KCNB2: variants seen among roughly 807,000 people sequenced by gnomAD.
The protein encoded by KCNB2 is delayed rectifier potassium channel protein.
In KCNB2, 15 loss-of-function variants were observed where a neutral mutation model predicts 61.5. The ratio of observed to expected loss-of-function variants is 0.24; its 90% CI spans 0.16 to 0.38. The LOEUF (loss-of-function observed/expected upper bound fraction) is 0.38, where lower values mean the gene tolerates loss of function less well. KCNB2 is among the 10% of genes least tolerant of loss of function. KCNB2 has a pLI of 1.00. For synonymous variants in KCNB2, 457 were observed against 446.0 expected, an observed-to-expected ratio of 1.02 and a Z score of -0.31; for missense variants, 828 against 1,125.2, an observed-to-expected ratio of 0.74 and a Z score of 3.78.
At chr8:72,598,441 G>A (rs1306768145) in intron 2 of KCNB2, among the ~76,000 whole-genome samples, 1 of 152,104 alleles carries the variant, frequency 6.6e-6, no homozygotes, top group Non-Finnish European at 1.5e-5. Flanking sequence ...GGTATTGATG[G>A]GACATATCTC....
At chr8:72,775,139 G>C (rs1254783468) in intron 2 of KCNB2, among the ~76,000 whole-genome samples, 10 of 152,116 alleles carry the variant, frequency 6.6e-5, no homozygotes, top group Non-Finnish European at 1.5e-4. Flanking sequence ...GCAGAGGAAG[G>C]ACAGTGAGAC....
At chr8:72,925,046 C>A (rs1393077809) in intron 2 of KCNB2, among the ~76,000 whole-genome samples, 6 of 152,154 alleles carry the variant, frequency 3.9e-5, no homozygotes, top group Non-Finnish European at 8.8e-5. Flanking sequence ...ATGATGCTGA[C>A]CCCAAAAGTA....
chr8:72,908,246 G>A (rs1461857512), intron 2 of KCNB2, among the ~76,000 whole-genome samples: 3 of 152,048 alleles, frequency 2.0e-5, no homozygotes, highest in Non-Finnish European at 4.4e-5. Context: ...TTCATCTTAA[G>A]CATCAGTTCC....
intron 1 of KCNB2, among the ~76,000 whole-genome samples, chr8:72,561,792 T>TATATATATAC (rs1806540436): frequency 1.1e-5 from 1 of 88,884 alleles, no homozygotes; most frequent in South Asian, 3.5e-4. Context: ...TATATATACA[T>TATATATATAC]ATATATATAT....
chr8:72,736,961 T>C (rs866576859), intron 2 of KCNB2, among the ~76,000 whole-genome samples: 8 of 152,168 alleles, frequency 5.3e-5, no homozygotes, highest in Non-Finnish European at 8.8e-5. Flanking sequence ...TACATTTATG[T>C]ATGTTACATG....
At chr8:72,688,960 C>T (rs753320701) in intron 2 of KCNB2, among the ~76,000 whole-genome samples, 8 of 152,144 alleles carry the variant, frequency 5.3e-5, no homozygotes, top group Non-Finnish European at 1.0e-4. Flanking sequence ...AACTCCTGGC[C>T]TCAAGCAATC....
intron 2 of KCNB2, among the ~76,000 whole-genome samples, chr8:72,759,307 CA>C (rs1258931361): frequency 6.6e-6 from 1 of 151,738 alleles, no homozygotes; most frequent in Non-Finnish European, 1.5e-5. Flanking sequence ...AAAAGAATAC[CA>C]CCTCTCTATA....
intron 1 of KCNB2, among the ~76,000 whole-genome samples, chr8:72,555,731 A>G (rs1425975804): frequency 1.3e-5 from 2 of 151,262 alleles, no homozygotes; most frequent in Admixed American, 6.6e-5. Flanking sequence ...CTTATTGGCC[A>G]TTTGGATTTT....
At chr8:72,797,742 T>C (rs1809054651) in intron 2 of KCNB2, among the ~76,000 whole-genome samples, 1 of 152,190 alleles carries the variant, frequency 6.6e-6, no homozygotes, top group Non-Finnish European at 1.5e-5. Flanking sequence ...AACTAGATTA[T>C]GATTATGCCC....
Position 72,937,729 on chromosome 8 carries a change from A to C in KCNB2, c.2374A>C (p.Lys792Gln), listed in dbSNP as rs780130980. 3.7e-6 allele frequency: 6 copies of C among 1,613,900 alleles called. No homozygotes were observed. In the East Asian group the frequency reaches 8.9e-5, roughly 24 times the overall value. Residue 792 changes from lysine (K) to glutamine (Q), a missense_variant, in exon 3 of 3, where the codon AAA becomes CAA. Around this residue, in one of 4 missense-constraint regions of KCNB2, gnomAD observed 559 missense variants for 588.4 expected, o/e 0.95. Transcript: ENST00000523207. The part of the protein sequence containing the change: ...KGLSPRFPKQ[K>Q]LFPFSSRERR... The stretch of plus-strand genomic sequence containing the variant: ...GCTGTCCCCCAGGTTTCCCAAGCAG[A>C]AACTGTTCCCTTTCTCTTCAAGAGA...
intron 2 of KCNB2, among the ~76,000 whole-genome samples, chr8:72,678,768 A>G (rs1806704608): frequency 6.6e-6 from 1 of 152,230 alleles, no homozygotes; most frequent in Non-Finnish European, 1.5e-5. Context: ...TGAGTGAATT[A>G]CTGAATGATC....
intron 2 of KCNB2, among the ~76,000 whole-genome samples, chr8:72,869,345 A>G (rs1414368276): frequency 6.6e-6 from 1 of 152,182 alleles, no homozygotes; most frequent in Non-Finnish European, 1.5e-5. Flanking sequence ...ATAAAGCTGC[A>G]TATTTACTTT....
At chr8:72,895,149 A>T (rs545733316) in intron 2 of KCNB2, among the ~76,000 whole-genome samples, 2 of 152,202 alleles carry the variant, frequency 1.3e-5, no homozygotes, top group African/African-American at 2.4e-5. Flanking sequence ...AAAGATGTCC[A>T]TATCCTAATT....
intron 2 of KCNB2, among the ~76,000 whole-genome samples, chr8:72,816,141 T>C (rs1809392541): frequency 6.6e-6 from 1 of 152,094 alleles, no homozygotes; most frequent in African/African-American, 2.4e-5. Flanking sequence ...GTAGCATGGA[T>C]CGTACTAAAA....
intron 2 of KCNB2, among the ~76,000 whole-genome samples, chr8:72,634,071 G>A (rs1180442986): frequency 1.3e-5 from 2 of 152,166 alleles, no homozygotes; most frequent in East Asian, 3.9e-4. Flanking sequence ...GCACTGTAAT[G>A]TTTCTGGTTA....
intron 2 of KCNB2, among the ~76,000 whole-genome samples, chr8:72,792,105 G>C (rs12676453): frequency 0.1 from 15,306 of 152,200 alleles, 1,039 homozygotes; most frequent in East Asian, 0.38. Flanking sequence ...ATGGGGCTGA[G>C]AAACTCAGTG....
chr8:72,752,014 A>C (rs1182324443), intron 2 of KCNB2, among the ~76,000 whole-genome samples: 3 of 152,194 alleles, frequency 2.0e-5, no homozygotes, highest in Admixed American at 6.5e-5. Flanking sequence ...GATGCAAGAA[A>C]TATTCAGGAT....
intron 1 of KCNB2, among the ~76,000 whole-genome samples, chr8:72,559,128 G>GTTTTA (rs201047854): frequency 0.022 from 3,263 of 151,616 alleles, 104 homozygotes; most frequent in African/African-American, 0.072. Flanking sequence ...ATTTTATTTT[G>GTTTTA]TTTTATTTTA....
chr8:72,937,496 C>A lies in KCNB2; in HGVS notation c.2141C>A (p.Ser714Tyr), dbSNP rs534911339. 2 of 1,613,962 alleles carry A rather than the reference C, an allele frequency of 1.2e-6. No homozygotes were observed. The highest frequency in any genetic ancestry group is 1.7e-6 in the Non-Finnish European group (2 of 1,179,992). The change falls in exon 3 of 3, where the codon TCC becomes TAC. Residue 714 changes from serine (S) to tyrosine (Y), a missense_variant. This residue lies in a region of KCNB2 where 559 missense variants were observed against 588.4 expected (regional missense o/e 0.95). Coordinates refer to ENST00000523207, the MANE Select transcript of KCNB2 (RefSeq NM_004770.3). ...GGCAGCAACCCACTAAAGTCCAGAT[C>A]CCTCAAAGTGAACTTTAAGGAAAAT... is the stretch of plus-strand genomic sequence containing the variant. ...LKGSNPLKSRSLKVNFKENRG... is the reference protein window; with the variant it reads ...LKGSNPLKSRYLKVNFKENRG...
Sources: allele counts gnomAD v4.1 joint callset (sites outside exome capture counted in the v4.1 genomes callset), GRCh38; gene constraint gnomAD v4.1.1; regional missense constraint gnomAD v4.1.1; transcripts MANE v1.5; gene names NCBI Gene and HGNC (gene_info 2026-07-23, HGNC 2026-07-21).